Variants in PHKA2 observed in about 807,000 individuals in gnomAD.
PHKA2 encodes phosphorylase kinase regulatory subunit alpha 2, also known as phosphorylase b kinase regulatory subunit alpha, liver isoform.
PHKA2 carries 31 observed loss-of-function variants against 102.0 expected under a neutral mutation model. The ratio of observed to expected loss-of-function variants is 0.30; its 90% confidence interval spans 0.23 to 0.41. PHKA2 has a LOEUF of 0.41. Ranked by LOEUF, PHKA2 falls within the 10% of genes least tolerant of loss-of-function variation. The pLI, the probability that PHKA2 is intolerant of heterozygous loss-of-function variation, is 1.00. For synonymous variants in PHKA2, 455 were observed against 416.2 expected, an observed-to-expected ratio of 1.09 and a Z score of -1.13; for missense variants, 858 against 1,023.1, an observed-to-expected ratio of 0.84 and a Z score of 2.20.
chrX:18,911,250 C>T (rs561534462), intron 19 of PHKA2, among the ~76,000 whole-genome samples: 9 of 107,638 alleles, frequency 8.4e-5, no homozygotes, highest in Admixed American at 9.9e-5. Flanking sequence ...CTTGGCTCAC[C>T]GCAACCTCCA....
intron 10 of PHKA2, among the ~76,000 whole-genome samples, chrX:18,937,143 C>A (rs1205021774): frequency 9.0e-6 from 1 of 110,848 alleles, no homozygotes; most frequent in African/African-American, 3.3e-5. Flanking sequence ...TAAAGTGAAT[C>A]TCTGATTGCT....
intron 31 of PHKA2, chrX:18,894,710 G>A: frequency 2.5e-6 from 1 of 404,106 alleles, no homozygotes; most frequent in Non-Finnish European, 4.3e-6. Context: ...CTTCCAGCAT[G>A]AAGCATGGTG....
intron 19 of PHKA2, among the ~76,000 whole-genome samples, chrX:18,914,626 C>A (rs771720242): frequency 8.9e-6 from 1 of 112,115 alleles, no homozygotes; most frequent in Non-Finnish European, 1.9e-5. Context: ...CTCACTCACT[C>A]TGACAGAAGA....
intron 1 of PHKA2, among the ~76,000 whole-genome samples, chrX:18,972,484 T>C (rs910056114): frequency 8.9e-6 from 1 of 112,094 alleles, no homozygotes; most frequent in African/African-American, 3.2e-5. Context: ...TTGGGGAGAA[T>C]ATATCTTTAC....
At chrX:18,919,433 G>A (rs1054702729) in intron 18 of PHKA2, among the ~76,000 whole-genome samples, 2 of 111,387 alleles carry the variant, frequency 1.8e-5, no homozygotes, top group Admixed American at 9.6e-5. Context: ...GGCCAGCCAC[G>A]GTGGCTCATG....
chrX:18,901,846 GTT>G (rs1258194997), intron 26 of PHKA2, among the ~76,000 whole-genome samples: 1 of 104,463 alleles, frequency 9.6e-6, no homozygotes, highest in African/African-American at 3.5e-5. Flanking sequence ...AGTGAGATAT[GTT>G]TTTTTTTTTT....
In PHKA2 at chrX:18,908,842, T is replaced by C; in HGVS notation, c.2319A>G (p.Leu773=). 2 of 1,210,327 alleles carry C rather than the reference T, an allele frequency of 1.7e-6. No individual in the cohort carries two copies. The highest frequency in any genetic ancestry group is 3.0e-5 in the East Asian group (1 of 33,835). The change falls in exon 21 of 33, where the codon CTA becomes CTG. Residue 773 remains leucine (L), a synonymous_variant. Transcript: ENST00000379942. The stretch of plus-strand genomic sequence containing the variant: ...TGTACAGAATGTCTGCTTGGTCCTG[T>C]AGGTTCGAACAATCTTTTAGCTGCT... ...LVEQLKDCSN[L]QDQADILYIL...
chrX:18,910,921 T>C lies in PHKA2; in HGVS notation c.2177A>G (p.His726Arg). The change falls in exon 20 of 33, where the codon CAC (histidine) becomes CGC (arginine). Residue 726 changes from histidine to arginine, a missense_variant. By Grantham distance (29) the His-to-Arg change is conservative (BLOSUM62 0). Coordinates refer to ENST00000379942, the MANE Select transcript of PHKA2 (RefSeq NM_000292.3). ...ATCAACAAGATTCAGTGATTTACGG[T>C]GGGCACTTAGAACTTTAGTCGGCAA... ...MTLPTKVLSA[H>R]RKSLNLVDSP... 2 of 1,196,823 alleles carry C rather than the reference T, an allele frequency of 1.7e-6. No homozygotes were observed. Among genetic ancestry groups the C allele is most frequent in the Non-Finnish European group, 1.1e-6 (1 of 884,380 alleles).
intron 21 of PHKA2, 37 bp downstream of exon 21, chrX:18,908,764 T>C (rs952561408): frequency 2.8e-6 from 3 of 1,086,849 alleles, no homozygotes; most frequent in African/African-American, 1.8e-5. Flanking sequence ...GTTCATGGTA[T>C]TTTGTTATAA....
intron 5 of PHKA2, among the ~76,000 whole-genome samples, chrX:18,947,722 A>T (rs1182899771): frequency 1.8e-5 from 2 of 112,676 alleles, no homozygotes; most frequent in Admixed American, 9.4e-5. Context: ...ATAGCAGCAC[A>T]ATTCACAACT....
In PHKA2 at chrX:18,931,720, G is replaced by A; in HGVS notation, c.1166C>T (p.Thr389Ile). ...CTTCCCCATAGGAACTCGGTCTACT[G>A]TGTGAGGATTCTTGTACTCTTCATC... ...KVDEEYKNPH[T>I]VDRVPMGKVP... The change falls in exon 12 of 33, where the codon ACA becomes ATA. Residue 389 changes from threonine (T) to isoleucine (I), a missense_variant. By Grantham distance (89) the Thr-to-Ile change is moderately conservative (BLOSUM62 -1). Coordinates refer to ENST00000379942, the MANE Select transcript of PHKA2 (RefSeq NM_000292.3). 1 of 1,197,504 alleles carries A rather than the reference G, an allele frequency of 8.4e-7. No homozygotes were observed. Among genetic ancestry groups the A allele is most frequent in the Admixed American group, 2.2e-5 (1 of 46,048 alleles).
chrX:18,983,591 C>T (rs998728875), intron 1 of PHKA2, among the ~76,000 whole-genome samples: 1 of 112,200 alleles, frequency 8.9e-6, no homozygotes, highest in African/African-American at 3.2e-5. Context: ...GCAGTTTGGA[C>T]CCGGGCACGG....
chrX:18,907,203 A>G, intron 22 of PHKA2, 106 bp from the exon 23 acceptor site: 1 of 609,121 alleles, frequency 1.6e-6, no homozygotes, highest in Non-Finnish European at 2.7e-6. Flanking sequence ...TCGTACATTT[A>G]CCTTTACAAA....
Position 18,968,886 on chromosome X carries a change from T to C in PHKA2, c.79-14474A>G, listed in dbSNP as rs528915927. Among the ~76,000 whole-genome samples the C allele has an allele frequency of 3.1e-4, 35 of 111,893 alleles. No individual in the cohort carries two copies. The South Asian group carries it at 0.013, about 40-fold the overall frequency. Reference sequence around the variant, plus strand: ...ATCCCAGCACTTTGGGAGGCCAAGGTGGGTGGATCACCTGAGGTCAGGAGT... The same window carrying C: ...ATCCCAGCACTTTGGGAGGCCAAGGCGGGTGGATCACCTGAGGTCAGGAGT... On this transcript the variant is annotated intron_variant, in intron 1 of 32. Transcript: ENST00000379942.
chrX:18,914,175 A>T (rs1834840597), intron 19 of PHKA2, among the ~76,000 whole-genome samples: 1 of 112,657 alleles, frequency 8.9e-6, no homozygotes, highest in Non-Finnish European at 1.9e-5. Context: ...TACAGCTACG[A>T]TGTCACTAGG....
intron 19 of PHKA2, among the ~76,000 whole-genome samples, chrX:18,917,073 C>T (rs2048031235): frequency 9.2e-6 from 1 of 108,818 alleles, no homozygotes; most frequent in Non-Finnish European, 1.9e-5. Context: ...CAGGGCCTCA[C>T]TATCTTGCCC....
intron 7 of PHKA2, among the ~76,000 whole-genome samples, chrX:18,942,350 G>A (rs775638525): frequency 1.8e-5 from 2 of 111,922 alleles, no homozygotes; most frequent in East Asian, 2.8e-4. Context: ...GATCTAACAC[G>A]TACAGACATG....
At chrX:18,954,040 T>C (rs1213924766) in intron 2 of PHKA2, among the ~76,000 whole-genome samples, 3 of 111,523 alleles carry the variant, frequency 2.7e-5, no homozygotes, top group Non-Finnish European at 5.7e-5. Context: ...ATTTTGGATG[T>C]TGTCATTGTT....
At chrX:18,932,163 C>T (rs1275066719) in intron 11 of PHKA2, among the ~76,000 whole-genome samples, 1 of 111,955 alleles carries the variant, frequency 8.9e-6, no homozygotes, top group East Asian at 2.8e-4. Flanking sequence ...ATAAACTGTG[C>T]GCCTAATGCA....
Sources: allele counts gnomAD v4.1 joint callset (sites outside exome capture counted in the v4.1 genomes callset), GRCh38; gene constraint gnomAD v4.1.1; transcripts MANE v1.5; gene names NCBI Gene and HGNC (gene_info 2026-07-23, HGNC 2026-07-21).